PDE1C: variants seen among roughly 807,000 people sequenced by gnomAD.
The protein encoded by PDE1C is dual specificity calcium/calmodulin-dependent 3',5'-cyclic nucleotide phosphodiesterase 1C.
Under a neutral mutation model 93.1 loss-of-function variants are expected in PDE1C, and 62 were observed. The observed-to-expected ratio is 0.67, with a 90% confidence interval of 0.54 to 0.82. The LOEUF (loss-of-function observed/expected upper bound fraction) is 0.82. Among genes scored for constraint, PDE1C ranks in the 40% least tolerant of loss-of-function variants. The pLI is 0.00. For missense variants in PDE1C, 742 were observed against 884.6 expected (o/e 0.84, Z 2.04); for synonymous variants, 325 against 310.1 (o/e 1.05, Z -0.50).
chr7:32,339,794 G>A (rs118185668), intron 1 of PDE1C, among the ~76,000 whole-genome samples: 5 of 152,248 alleles, frequency 3.3e-5, no homozygotes, highest in Non-Finnish European at 5.9e-5. Context: ...TGGGGTCAAG[G>A]TTGGCAGGGC....
intron 2 of PDE1C, 110 bp downstream of exon 2, chr7:32,051,444 G>C (rs1342819403): frequency 9.5e-7 from 1 of 1,048,284 alleles, no homozygotes; most frequent in Non-Finnish European, 1.5e-6. Flanking sequence ...AACATGCTGA[G>C]AAAGAACCAA....
At chr7:31,881,271 G>A (rs552220564) in intron 2 of PDE1C, among the ~76,000 whole-genome samples, 1 of 152,214 alleles carries the variant, frequency 6.6e-6, no homozygotes, top group Non-Finnish European at 1.5e-5. Context: ...GATAATGGCA[G>A]CCCCATGACC....
chr7:31,669,724 G>A, the PDE1C span, among the ~76,000 whole-genome samples: 1 of 152,208 alleles, frequency 6.6e-6, no homozygotes, highest in Admixed American at 6.5e-5. Flanking sequence ...CAGAGAATAG[G>A]TAGGCTTTGT....
At chr7:32,402,496 C>A (rs1562708646) in intron 1 of PDE1C, among the ~76,000 whole-genome samples, 11 of 152,078 alleles carry the variant, frequency 7.2e-5, no homozygotes, top group Non-Finnish European at 1.5e-5. Context: ...GGAAGTTAGT[C>A]CTTCTTCCAC....
At chr7:32,028,740 T>G (rs1417920442) in intron 2 of PDE1C, among the ~76,000 whole-genome samples, 1 of 152,088 alleles carries the variant, frequency 6.6e-6, no homozygotes, top group Non-Finnish European at 1.5e-5. Flanking sequence ...AATTTTGAAA[T>G]GTACAATATT....
chr7:31,692,343 C>A, the PDE1C span: 3 of 974,178 alleles, frequency 3.1e-6, no homozygotes, highest in South Asian at 3.1e-5. Flanking sequence ...ATTTACTTAG[C>A]AAATGATTGA....
At chr7:31,773,399 C>A (rs1795628755) in intron 17 of PDE1C, among the ~76,000 whole-genome samples, 1 of 152,082 alleles carries the variant, frequency 6.6e-6, no homozygotes, top group African/African-American at 2.4e-5. Context: ...CAGGACAGCT[C>A]TGCATATTCT....
At chr7:32,422,960 G>C (rs1170009959) in intron 1 of PDE1C, among the ~76,000 whole-genome samples, 1 of 152,080 alleles carries the variant, frequency 6.6e-6, no homozygotes, top group Non-Finnish European at 1.5e-5. Context: ...CTCACTAATG[G>C]CTAACACAAT....
At chr7:31,703,924 T>G in the PDE1C span, among the ~76,000 whole-genome samples, 4 of 152,226 alleles carry the variant, frequency 2.6e-5, no homozygotes, top group African/African-American at 9.6e-5. Context: ...TGCTCCCAGC[T>G]TAGCCTACAG....
the PDE1C span, among the ~76,000 whole-genome samples, chr7:31,650,570 A>AACCTTT: frequency 6.6e-6 from 1 of 152,324 alleles, no homozygotes; most frequent in South Asian, 2.1e-4. Context: ...CAGGATGCCT[A>AACCTTT]ACCTTTGCCT....
intron 1 of PDE1C, among the ~76,000 whole-genome samples, chr7:32,391,133 A>G (rs766453251): frequency 6.6e-6 from 1 of 152,136 alleles, no homozygotes; most frequent in Non-Finnish European, 1.5e-5. Context: ...TACAGTCTAC[A>G]AGAGGCACAC....
chr7:32,070,285 A>T lies in PDE1C; in HGVS notation c.101+8T>A. The stretch of plus-strand genomic sequence containing the variant: ...AATGGGGCAGGAGAAGTAAATAGGT[A>T]TACTTACAGCCCGCGGAGCCGAAGC... On this transcript the variant is annotated splice_region_variant and intron_variant, in intron 1 of 17. Coordinates refer to ENST00000396191, the MANE Select transcript of PDE1C (RefSeq NM_001191057.4). 1 of 1,614,114 alleles carries T rather than the reference A, an allele frequency of 6.2e-7. No homozygotes were observed. Among genetic ancestry groups the T allele is most frequent in the Non-Finnish European group, 8.5e-7 (1 of 1,179,982 alleles).
the PDE1C span, among the ~76,000 whole-genome samples, chr7:31,721,153 CT>C: frequency 6.6e-6 from 1 of 152,116 alleles, no homozygotes; most frequent in Admixed American, 6.5e-5. Context: ...AAGCTCAGCC[CT>C]TATTGAAAGG....
the PDE1C span, among the ~76,000 whole-genome samples, chr7:31,635,511 C>T: frequency 6.6e-6 from 1 of 152,166 alleles, no homozygotes; most frequent in African/African-American, 2.4e-5. Context: ...GAGTTTCAAA[C>T]ATTGGTTTGT....
intron 1 of PDE1C, among the ~76,000 whole-genome samples, chr7:32,241,648 A>C (rs1048069111): frequency 1.3e-5 from 2 of 152,230 alleles, no homozygotes; most frequent in African/African-American, 4.8e-5. Flanking sequence ...TTTCTTTTTA[A>C]AAATGGAGGC....
At chr7:32,116,783 C>A (rs978723396) in intron 3 of PDE1C, among the ~76,000 whole-genome samples, 7 of 152,162 alleles carry the variant, frequency 4.6e-5, no homozygotes, top group African/African-American at 1.7e-4. Context: ...TTTTTGTCCC[C>A]TTTTGCTATT....
At chr7:32,295,841 C>T (rs1269859704) in intron 1 of PDE1C, among the ~76,000 whole-genome samples, 1 of 142,092 alleles carries the variant, frequency 7.0e-6, no homozygotes, top group Non-Finnish European at 1.5e-5. Flanking sequence ...TTGCAGTGAG[C>T]TGAGATCGGG....
chr7:31,978,268 A>T (rs1041028710), intron 2 of PDE1C, among the ~76,000 whole-genome samples: 1 of 152,204 alleles, frequency 6.6e-6, no homozygotes, highest in Non-Finnish European at 1.5e-5. Context: ...GGGGTACTCA[A>T]TTCTGTCAAC....
chr7:32,046,490 T>TAATC (rs1472949343), intron 2 of PDE1C, among the ~76,000 whole-genome samples: 4 of 152,166 alleles, frequency 2.6e-5, no homozygotes, highest in African/African-American at 9.7e-5. Flanking sequence ...CATTTTATTA[T>TAATC]AATCCCTTTG....
Sources: gnomAD v4.1 joint callset for allele counts (sites outside exome capture counted in the v4.1 genomes callset) on GRCh38, gnomAD v4.1.1 for gene constraint, MANE v1.5 for transcripts, NCBI Gene and HGNC (gene_info 2026-07-23, HGNC 2026-07-21) for gene names.